The following MYO1D variants were observed in gnomAD, a reference collection of about 807,000 sequenced individuals.
MYO1D encodes unconventional myosin-Id.
In MYO1D, 83 loss-of-function variants were observed where a neutral mutation model predicts 122.0. The observed-to-expected ratio is 0.68, with a 90% CI of 0.57 to 0.82. MYO1D has a LOEUF of 0.82. Ranked by LOEUF, MYO1D falls within the 40% of genes least tolerant of loss-of-function variation. The pLI is 0.00. For missense variants in MYO1D, 1,157 were observed against 1,269.5 expected (o/e 0.91, Z 1.35); for synonymous variants, 464 against 446.9 (o/e 1.04, Z -0.48).
intron 1 of MYO1D, among the ~76,000 whole-genome samples, chr17:32,845,940 A>G (rs897616637): frequency 1.2e-4 from 18 of 145,356 alleles, no homozygotes; most frequent in African/African-American, 4.5e-4. Context: ...ACTGTAGAGG[A>G]AAAAAAAAAA....
intron 14 of MYO1D, among the ~76,000 whole-genome samples, chr17:32,736,474 G>A (rs964956922): frequency 6.6e-6 from 1 of 152,176 alleles, no homozygotes; most frequent in Non-Finnish European, 1.5e-5. Context: ...TAGAGCGGAA[G>A]GACAGAAAGA....
At chr17:32,752,433 T>C (rs72815072) in intron 11 of MYO1D, among the ~76,000 whole-genome samples, 2,010 of 152,200 alleles carry the variant, frequency 0.013, 17 homozygotes, top group Middle Eastern at 0.068. Context: ...TTAATTAAAC[T>C]AAAAAGGTTC....
intron 16 of MYO1D, among the ~76,000 whole-genome samples, chr17:32,661,655 CAAA>C (rs11367680): frequency 0.018 from 2,619 of 147,754 alleles, 55 homozygotes; most frequent in African/African-American, 0.059. Flanking sequence ...GACCCTGTCC[CAAA>C]AAAAAAAAAT....
rs1001156278 is a variant in MYO1D, at chr17:32,826,490, T to C, written c.96-45706A>G. Among the ~76,000 whole-genome samples, 53 of 152,370 alleles carry C rather than the reference T, an allele frequency of 3.5e-4. 1 individual carries two copies. Among genetic ancestry groups the C allele is most frequent in the African/African-American group, 1.3e-3 (53 of 41,588 alleles). On this transcript the variant is annotated intron_variant, in intron 1 of 21. Coordinates refer to ENST00000318217, the MANE Select transcript of MYO1D (RefSeq NM_015194.3). ...TAGTTGCAAATGAGTAAATCATGGC[T>C]TGAAAATTTATTTGTAGAAAAATGT...
chr17:32,599,538 T>C (rs8079950), intron 21 of MYO1D, among the ~76,000 whole-genome samples: 71,399 of 152,072 alleles, frequency 0.47, 17,249 homozygotes, highest in Middle Eastern at 0.58. Context: ...ATCACAAATG[T>C]TCTTAGTGGC....
chr17:32,822,336 G>T (rs1435385117), intron 1 of MYO1D, among the ~76,000 whole-genome samples: 1 of 141,098 alleles, frequency 7.1e-6, no homozygotes, highest in Non-Finnish European at 1.5e-5. Context: ...AGAACACTTG[G>T]ACACAGGAAG....
At chr17:32,671,304 G>A (rs1039673697) in intron 16 of MYO1D, among the ~76,000 whole-genome samples, 14 of 152,298 alleles carry the variant, frequency 9.2e-5, no homozygotes, top group African/African-American at 2.2e-4. Flanking sequence ...ATACTCGCTC[G>A]CCCACGTGCT....
At chr17:32,869,481 G>A (rs1305017240) in intron 1 of MYO1D, among the ~76,000 whole-genome samples, 29 of 152,178 alleles carry the variant, frequency 1.9e-4, no homozygotes, top group Non-Finnish European at 2.9e-5. Context: ...AAAGTTCCCC[G>A]ACTTAGCAGT....
Position 32,796,674 on chromosome 17 carries a change from A to G in MYO1D, c.96-15890T>C, listed in dbSNP as rs1289713542. Reference sequence around the variant, plus strand: ...AGCAATCTGCTGGCCTCAGCCTTCCAAAGTGTTGGGATTACAGGTGTGAGC... The same window carrying G: ...AGCAATCTGCTGGCCTCAGCCTTCCGAAGTGTTGGGATTACAGGTGTGAGC... On this transcript the variant is annotated intron_variant, in intron 1 of 21. Coordinates refer to ENST00000318217, the MANE Select transcript of MYO1D (RefSeq NM_015194.3). 2.6e-5 allele frequency among the ~76,000 whole-genome samples: 4 copies of G among 152,192 alleles called. No individual in the cohort carries two copies. In the East Asian group the frequency reaches 5.8e-4, roughly 22 times the overall value.
At chr17:32,715,459 T>C (rs1212782669) in intron 15 of MYO1D, among the ~76,000 whole-genome samples, 3 of 152,160 alleles carry the variant, frequency 2.0e-5, no homozygotes, top group Admixed American at 6.5e-5. Context: ...TTAGATTCCA[T>C]GACAGCATGC....
chr17:32,709,381 C>T lies in MYO1D; in HGVS notation c.2121+2607G>A, dbSNP rs115187550. On this transcript the variant is annotated intron_variant, in intron 16 of 21. Coordinates refer to ENST00000318217, the MANE Select transcript of MYO1D (RefSeq NM_015194.3). ...AAAGACATAGTAACAGATCTGGGGG[C>T]AGAGGAATCTACCAAAAAAACCCTA... Among the ~76,000 whole-genome samples the T allele has an allele frequency of 1.7e-3, 253 of 151,978 alleles. 1 individual carries two copies. The highest frequency in any genetic ancestry group is 5.9e-3 in the African/African-American group (243 of 41,436).
chr17:32,766,717 G>A (rs1367191223), intron 7 of MYO1D, among the ~76,000 whole-genome samples: 2 of 152,024 alleles, frequency 1.3e-5, no homozygotes, highest in Non-Finnish European at 2.9e-5. Flanking sequence ...GTATGAACTC[G>A]GGAGGTGGAG....
At chr17:32,499,526 C>T (rs532388268) in intron 21 of MYO1D, among the ~76,000 whole-genome samples, 3 of 151,694 alleles carry the variant, frequency 2.0e-5, no homozygotes, top group Admixed American at 6.6e-5. Context: ...CCCAGCTACT[C>T]GGGAGGCTGA....
intron 11 of MYO1D, among the ~76,000 whole-genome samples, chr17:32,754,278 G>C (rs949373288): frequency 6.6e-6 from 1 of 152,108 alleles, no homozygotes; most frequent in South Asian, 2.1e-4. Flanking sequence ...ACTTTGCCCA[G>C]TACTCTGTCC....
At chr17:32,563,074 C>T (rs114377950) in intron 21 of MYO1D, among the ~76,000 whole-genome samples, 4,979 of 152,036 alleles carry the variant, frequency 0.033, 98 homozygotes, top group African/African-American at 0.043. Context: ...AAGGAAAAAT[C>T]GTATCTCATT....
At chr17:32,766,104 T>G (rs889280362) in intron 7 of MYO1D, among the ~76,000 whole-genome samples, 1 of 152,024 alleles carries the variant, frequency 6.6e-6, no homozygotes, top group Non-Finnish European at 1.5e-5. Context: ...AGGCTGGTCT[T>G]GGAACTCCTG....
chr17:32,829,641 G>C (rs1429109204), intron 1 of MYO1D, among the ~76,000 whole-genome samples: 1 of 152,174 alleles, frequency 6.6e-6, no homozygotes, highest in Non-Finnish European at 1.5e-5. Flanking sequence ...TTTCAGTAGA[G>C]ACAGGGTTTT....
At chr17:32,845,934 T>C (rs541603050) in intron 1 of MYO1D, among the ~76,000 whole-genome samples, 16 of 151,146 alleles carry the variant, frequency 1.1e-4, no homozygotes, top group African/African-American at 3.2e-4. Context: ...TGAAATACTG[T>C]AGAGGAAAAA....
chr17:32,687,680 T>C lies in MYO1D; in HGVS notation c.2121+24308A>G, dbSNP rs147214447. Among the ~76,000 whole-genome samples, 609 of 152,324 alleles carry C rather than the reference T, an allele frequency of 4.0e-3. 4 individuals carry two copies. Among genetic ancestry groups the C allele is most frequent in the African/African-American group, 0.014 (565 of 41,580 alleles). On this transcript the variant is annotated intron_variant, in intron 16 of 21. Transcript: ENST00000318217. ...ACTCTAGGGCCTACTGATTACTCCA[T>C]TTGCTTGGTATTACTAAAGTATCTC...
Sources: gnomAD v4.1 joint callset for allele counts (sites outside exome capture counted in the v4.1 genomes callset) on GRCh38, gnomAD v4.1.1 for gene constraint, MANE v1.5 for transcripts, NCBI Gene and HGNC (gene_info 2026-07-23, HGNC 2026-07-21) for gene names.